Variants in CNTN5 observed in about 807,000 individuals in gnomAD.
The protein encoded by CNTN5 is contactin 5.
Under a neutral mutation model 129.1 loss-of-function variants are expected in CNTN5, and 77 were observed. The observed-to-expected ratio is 0.60, with a 90% confidence interval of 0.50 to 0.72. The LOEUF (loss-of-function observed/expected upper bound fraction) is 0.72, where lower values mean the gene tolerates loss of function less well. Ranked by LOEUF, CNTN5 falls within the 30% of genes least tolerant of loss-of-function variation. CNTN5 has a pLI of 0.00. For missense variants in CNTN5, 1,478 were observed against 1,328.8 expected (o/e 1.11, Z -1.75); for synonymous variants, 509 against 465.6 (o/e 1.09, Z -1.20).
At position 100,076,009 on chromosome 11, in the gene CNTN5, G is replaced by A. The variant is rs150952702; in HGVS notation, c.1580+1715G>A. On this transcript the variant is annotated intron_variant, in intron 13 of 24. Coordinates refer to ENST00000524871, the MANE Select transcript of CNTN5 (RefSeq NM_014361.4). ...ATTTCTCATTCTTAGGTTGGGGGGC[G>A]GGTAGCAAATGACAAATTGTGAGAT... Among the ~76,000 whole-genome samples the A allele has an allele frequency of 6.8e-3, 1,039 of 152,112 alleles. 12 individuals are homozygous for A. The highest frequency in any genetic ancestry group is 0.023 in the African/African-American group (965 of 41,512).
intron 3 of CNTN5, among the ~76,000 whole-genome samples, chr11:99,678,175 G>C (rs74610647): frequency 0.049 from 7,446 of 152,104 alleles, 609 homozygotes; most frequent in African/African-American, 0.17. Flanking sequence ...GTATTTTAAA[G>C]TGGTTCCCTC....
At chr11:99,591,381 A>T (rs1949975281) in intron 3 of CNTN5, among the ~76,000 whole-genome samples, 1 of 119,868 alleles carries the variant, frequency 8.3e-6, no homozygotes, top group Non-Finnish European at 1.6e-5. Flanking sequence ...TCTGTCGCCC[A>T]GGCTGGAGTG....
chr11:99,777,207 T>G (rs189825099), intron 3 of CNTN5, among the ~76,000 whole-genome samples: 79 of 151,970 alleles, frequency 5.2e-4, no homozygotes, highest in African/African-American at 1.6e-3. Context: ...AAAGTAGTGT[T>G]TACAGTAAGA....
At chr11:99,036,121 A>G (rs2135115547) in intron 1 of CNTN5, among the ~76,000 whole-genome samples, 1 of 152,172 alleles carries the variant, frequency 6.6e-6, no homozygotes, top group African/African-American at 2.4e-5. Flanking sequence ...TGGCTTGTAG[A>G]GTTTCTGCCC....
chr11:99,319,150 G>A (rs1865461894), intron 1 of CNTN5, among the ~76,000 whole-genome samples: 1 of 152,072 alleles, frequency 6.6e-6, no homozygotes, highest in Non-Finnish European at 1.5e-5. Flanking sequence ...AGCTTAAATG[G>A]GTTAATATAT....
intron 3 of CNTN5, among the ~76,000 whole-genome samples, chr11:99,756,856 CTT>C (rs1158168537): frequency 6.7e-6 from 1 of 149,762 alleles, no homozygotes; most frequent in African/African-American, 2.4e-5. Context: ...AAAGAAATAA[CTT>C]TTAAAAAATT....
intron 21 of CNTN5, among the ~76,000 whole-genome samples, chr11:100,328,830 C>A (rs1281362184): frequency 6.6e-6 from 1 of 152,216 alleles, no homozygotes; most frequent in Admixed American, 6.5e-5. Flanking sequence ...CTTGCAGCTC[C>A]TGCTCAGATG....
intron 1 of CNTN5, among the ~76,000 whole-genome samples, chr11:99,090,746 G>C (rs1216878331): frequency 6.6e-6 from 1 of 150,630 alleles, no homozygotes; most frequent in Non-Finnish European, 1.5e-5. Flanking sequence ...AAAACGGCCG[G>C]GCGCGGTGGC....
chr11:99,826,679 G>A (rs905058597), intron 4 of CNTN5, among the ~76,000 whole-genome samples: 2 of 152,160 alleles, frequency 1.3e-5, no homozygotes, highest in Non-Finnish European at 1.5e-5. Flanking sequence ...TATGTTTAAG[G>A]AAACTGCACG....
chr11:99,056,936 A>G lies in CNTN5; in HGVS notation c.-210+35666A>G, dbSNP rs568430202. The stretch of plus-strand genomic sequence containing the variant: ...TAACTTTTCTTTTATTTGGACTGAT[A>G]TTTTTTTCCCTTACTGGCTGCCCAA... On this transcript the variant is annotated intron_variant, in intron 1 of 24. Coordinates refer to ENST00000524871, the MANE Select transcript of CNTN5 (RefSeq NM_014361.4). Among the ~76,000 whole-genome samples, 10 of 151,998 alleles carry G rather than the reference A, an allele frequency of 6.6e-5. No homozygotes were observed. In the South Asian group the frequency reaches 1.7e-3, roughly 25 times the overall value.
chr11:99,073,782 T>G (rs1591146660), intron 1 of CNTN5, among the ~76,000 whole-genome samples: 1 of 152,100 alleles, frequency 6.6e-6, no homozygotes, highest in South Asian at 2.1e-4. Flanking sequence ...ACATTTTCTT[T>G]ATCCAGTCTA....
chr11:100,253,452 T>G (rs1421856700), intron 16 of CNTN5, among the ~76,000 whole-genome samples: 1 of 152,114 alleles, frequency 6.6e-6, no homozygotes, highest in Non-Finnish European at 1.5e-5. Context: ...TATTACCTCC[T>G]CTATGAAATG....
In CNTN5 at chr11:99,157,814, A is replaced by T. The variant is rs7936446; in HGVS notation, c.-210+136544A>T. Among the ~76,000 whole-genome samples, 398 of 152,284 alleles carry T rather than the reference A, an allele frequency of 2.6e-3. 1 individual carries two copies. The highest frequency in any genetic ancestry group is 8.9e-3 in the African/African-American group (372 of 41,570). The stretch of plus-strand genomic sequence containing the variant: ...GAAGATAAAAAAGAAAACAAAAGAA[A>T]AACAAATTCCTGGTTTCAGAATTCT... On this transcript the variant is annotated intron_variant, in intron 1 of 24. Transcript: ENST00000524871.
intron 3 of CNTN5, among the ~76,000 whole-genome samples, chr11:99,731,763 T>G (rs371621796): frequency 6.6e-6 from 1 of 152,152 alleles, no homozygotes; most frequent in South Asian, 2.1e-4. Flanking sequence ...AGTAGATGCC[T>G]TAGAACTTTC....
chr11:99,581,969 G>C (rs201657483), intron 3 of CNTN5, among the ~76,000 whole-genome samples: 1 of 152,010 alleles, frequency 6.6e-6, no homozygotes, highest in East Asian at 1.9e-4. Context: ...GGTACCAGTT[G>C]TTCCTTTCCA....
rs539025052 is a variant in CNTN5 at position 99,072,842 on chromosome 11, C to T, written c.-210+51572C>T. On this transcript the variant is annotated intron_variant, in intron 1 of 24. Transcript: ENST00000524871. Reference sequence around the variant, plus strand: ...TCCATGGTCAAGATATGAACACTTTCTGTATCTCAAATGATTCCTTTGCAC... The same window carrying T: ...TCCATGGTCAAGATATGAACACTTTTTGTATCTCAAATGATTCCTTTGCAC... 1.5e-3 allele frequency among the ~76,000 whole-genome samples: 222 copies of T among 152,224 alleles called. 2 individuals carry two copies. The highest frequency in any genetic ancestry group is 2.7e-3 in the Non-Finnish European group (185 of 67,990).
chr11:100,323,541 G>C (rs1951734330), intron 21 of CNTN5, among the ~76,000 whole-genome samples: 1 of 151,972 alleles, frequency 6.6e-6, no homozygotes, highest in South Asian at 2.1e-4. Flanking sequence ...GTCGGGGTTT[G>C]TATAATCATT....
At chr11:99,671,945 A>G (rs893268915) in intron 3 of CNTN5, among the ~76,000 whole-genome samples, 2 of 151,996 alleles carry the variant, frequency 1.3e-5, no homozygotes, top group Non-Finnish European at 1.5e-5. Flanking sequence ...AGGACTTTCA[A>G]TCGTTGCAGG....
intron 1 of CNTN5, among the ~76,000 whole-genome samples, chr11:99,156,298 A>G (rs904820320): frequency 1.3e-5 from 2 of 152,060 alleles, no homozygotes; most frequent in Non-Finnish European, 2.9e-5. Flanking sequence ...CTTTGAATAG[A>G]TTTTTAAACT....
Sources: allele counts gnomAD v4.1 joint callset (sites outside exome capture counted in the v4.1 genomes callset), GRCh38; gene constraint gnomAD v4.1.1; transcripts MANE v1.5; gene names NCBI Gene and HGNC (gene_info 2026-07-23, HGNC 2026-07-21).